Variants in STXBP5L observed in about 807,000 individuals in gnomAD.
STXBP5L encodes syntaxin-binding protein 5-like.
STXBP5L carries 65 observed loss-of-function variants against 144.5 expected under a neutral mutation model. The ratio of observed to expected loss-of-function variants is 0.45; its 90% CI spans 0.37 to 0.55. STXBP5L has a LOEUF of 0.55. Ranked by LOEUF, STXBP5L falls within the 20% of genes least tolerant of loss-of-function variation. The pLI, the probability that STXBP5L is intolerant of heterozygous loss-of-function variation, is 0.00. For missense variants in STXBP5L, 1,298 were observed against 1,405.5 expected (o/e 0.92, Z 1.22); for synonymous variants, 505 against 469.6 (o/e 1.08, Z -0.97).
At chr3:121,401,889 T>G (rs1172864732) in intron 22 of STXBP5L, among the ~76,000 whole-genome samples, 1 of 54,632 alleles carries the variant, frequency 1.8e-5, no homozygotes, top group African/African-American at 8.7e-5. Context: ...AAACTTAGAG[T>G]ATAATAAAAA....
intron 19 of STXBP5L, among the ~76,000 whole-genome samples, chr3:121,303,797 A>G (rs2052029420): frequency 6.6e-6 from 1 of 151,994 alleles, no homozygotes; most frequent in Non-Finnish European, 1.5e-5. Context: ...CAAACACTAC[A>G]TATTCTCACT....
intron 14 of STXBP5L, among the ~76,000 whole-genome samples, chr3:121,246,530 T>C (rs1448635102): frequency 2.0e-5 from 3 of 152,188 alleles, no homozygotes; most frequent in African/African-American, 7.2e-5. Flanking sequence ...TAAAATAGAA[T>C]TAAATTTTGT....
chr3:121,341,452 G>T (rs2044708786), intron 20 of STXBP5L, among the ~76,000 whole-genome samples: 1 of 152,118 alleles, frequency 6.6e-6, no homozygotes, highest in Admixed American at 6.6e-5. Context: ...ATGGAGAACA[G>T]TTTAGAAGTT....
At chr3:121,346,085 C>T (rs1247436397) in intron 20 of STXBP5L, among the ~76,000 whole-genome samples, 3 of 151,642 alleles carry the variant, frequency 2.0e-5, no homozygotes, top group African/African-American at 4.9e-5. Flanking sequence ...GGTATATCTC[C>T]TAATGCTATC....
chr3:121,393,819 T>C (rs2046657128), intron 22 of STXBP5L, among the ~76,000 whole-genome samples: 1 of 152,216 alleles, frequency 6.6e-6, no homozygotes, highest in African/African-American at 2.4e-5. Flanking sequence ...TCTGCTGTTT[T>C]GGTTATTATA....
intron 7 of STXBP5L, among the ~76,000 whole-genome samples, chr3:121,148,371 G>A (rs2045798559): frequency 6.6e-6 from 1 of 151,874 alleles, no homozygotes; most frequent in Admixed American, 6.6e-5. Context: ...CAGAAATAAG[G>A]AGAAAAATAT....
At chr3:121,418,937 C>T (rs2047304122) in intron 26 of STXBP5L, 119 bp from the exon 27 acceptor site, 2 of 1,020,244 alleles carry the variant, frequency 2.0e-6, no homozygotes, top group Non-Finnish European at 2.8e-6. Context: ...ATAAAAGAAG[C>T]CACTCAGTTT....
At chr3:121,003,855 A>T (rs970851825) in intron 3 of STXBP5L, among the ~76,000 whole-genome samples, 1 of 152,150 alleles carries the variant, frequency 6.6e-6, no homozygotes, top group East Asian at 1.9e-4. Flanking sequence ...CAAAGATCAG[A>T]TGGTTGAAGA....
intron 5 of STXBP5L, among the ~76,000 whole-genome samples, chr3:121,077,568 G>T (rs934908240): frequency 6.6e-6 from 1 of 152,148 alleles, no homozygotes; most frequent in African/African-American, 2.4e-5. Context: ...CTTCCACAGT[G>T]TGGAAGGGGA....
chr3:121,097,715 G>T (rs1180582368), intron 5 of STXBP5L, among the ~76,000 whole-genome samples: 3 of 152,226 alleles, frequency 2.0e-5, no homozygotes, highest in African/African-American at 4.8e-5. Context: ...CCCACCTTCT[G>T]TGTCGATCTC....
intron 3 of STXBP5L, among the ~76,000 whole-genome samples, chr3:121,000,586 C>T (rs1051189939): frequency 6.6e-6 from 1 of 152,156 alleles, no homozygotes; most frequent in African/African-American, 2.4e-5. Flanking sequence ...ATTGCCATTG[C>T]CATCCAGATC....
At chr3:121,191,136 G>C (rs928165663) in intron 9 of STXBP5L, among the ~76,000 whole-genome samples, 10 of 152,212 alleles carry the variant, frequency 6.6e-5, no homozygotes, top group Admixed American at 6.5e-4. Context: ...TCTAGACAGG[G>C]TGGCGGCCGG....
chr3:121,070,501 A>T (rs1344732399), intron 5 of STXBP5L, among the ~76,000 whole-genome samples: 3 of 152,092 alleles, frequency 2.0e-5, no homozygotes, highest in Non-Finnish European at 4.4e-5. Flanking sequence ...TATTACTACT[A>T]CTATTAGGTT....
At chr3:120,990,691 C>A (rs1942758744) in intron 3 of STXBP5L, among the ~76,000 whole-genome samples, 1 of 152,168 alleles carries the variant, frequency 6.6e-6, no homozygotes, top group African/African-American at 2.4e-5. Context: ...TTACAACTAT[C>A]TGATCTTTGA....
At chr3:121,374,025 G>A (rs1373387973) in intron 20 of STXBP5L, among the ~76,000 whole-genome samples, 1 of 152,046 alleles carries the variant, frequency 6.6e-6, no homozygotes, top group Non-Finnish European at 1.5e-5. Context: ...ACCTGCATGT[G>A]CCCCCCAGGG....
intron 3 of STXBP5L, among the ~76,000 whole-genome samples, chr3:120,979,449 T>C (rs1009404319): frequency 5.3e-5 from 8 of 152,168 alleles, no homozygotes. Context: ...GTGCCGTCTG[T>C]CACCCCTTTC....
intron 20 of STXBP5L, among the ~76,000 whole-genome samples, chr3:121,371,755 C>T (rs1258706027): frequency 2.0e-5 from 3 of 152,198 alleles, no homozygotes; most frequent in East Asian, 1.9e-4. Context: ...GTAGTGGTGG[C>T]CGCCCAGTGC....
chr3:121,225,009 A>G (rs2049077783), intron 11 of STXBP5L, among the ~76,000 whole-genome samples: 1 of 152,188 alleles, frequency 6.6e-6, no homozygotes, highest in Admixed American at 6.6e-5. Flanking sequence ...CAATGTAACC[A>G]TTCCTATTCA....
intron 11 of STXBP5L, among the ~76,000 whole-genome samples, chr3:121,225,429 TA>T (rs2108296315): frequency 6.6e-6 from 1 of 152,194 alleles, no homozygotes; most frequent in African/African-American, 2.4e-5. Flanking sequence ...GAGATAACAC[TA>T]ATATTATTTC....
Sources: allele counts gnomAD v4.1 joint callset (sites outside exome capture counted in the v4.1 genomes callset), GRCh38; gene constraint gnomAD v4.1.1; transcripts MANE v1.5; gene names NCBI Gene and HGNC (gene_info 2026-07-23, HGNC 2026-07-21).